The following PRKN variants were observed in gnomAD, a reference collection of about 807,000 sequenced individuals.
PRKN encodes the protein parkin RBR E3 ubiquitin protein ligase, also known as E3 ubiquitin-protein ligase parkin.
In PRKN, 56 loss-of-function variants were observed where a neutral mutation model predicts 59.5. The ratio of observed to expected loss-of-function variants is 0.94; its 90% confidence interval spans 0.76 to 1.18. PRKN has a LOEUF of 1.18. Ranked by LOEUF, PRKN falls within the 50% of genes most tolerant of loss-of-function variation. PRKN has a pLI of 0.00. For synonymous variants in PRKN, 250 were observed against 222.1 expected, an observed-to-expected ratio of 1.13 and a Z score of -1.12; for missense variants, 657 against 596.4, an observed-to-expected ratio of 1.10 and a Z score of -1.06.
intron 7 of PRKN, among the ~76,000 whole-genome samples, chr6:161,738,964 G>A (rs1788077465): frequency 6.6e-6 from 1 of 152,214 alleles, no homozygotes; most frequent in Admixed American, 6.5e-5. Context: ...CAGGTATACA[G>A]TTTTTGTGAG....
chr6:161,814,427 T>C (rs947962353), intron 6 of PRKN, among the ~76,000 whole-genome samples: 7 of 152,294 alleles, frequency 4.6e-5, no homozygotes, highest in East Asian at 1.9e-4. Context: ...GCCTCACAAT[T>C]ATAGCAGAAG....
chr6:162,168,164 T>C (rs868004061), intron 4 of PRKN, among the ~76,000 whole-genome samples: 1 of 152,162 alleles, frequency 6.6e-6, no homozygotes, highest in Non-Finnish European at 1.5e-5. Flanking sequence ...GGAACTGATA[T>C]AAAAAAGTTG....
At chr6:162,692,242 G>A (rs116513202) in intron 1 of PRKN, among the ~76,000 whole-genome samples, 1 of 151,468 alleles carries the variant, frequency 6.6e-6, no homozygotes, top group Non-Finnish European at 1.5e-5. Flanking sequence ...TGTGTATCAA[G>A]AGACTTGTGC....
chr6:162,225,179 C>A (rs796930546), intron 3 of PRKN, among the ~76,000 whole-genome samples: 2 of 152,034 alleles, frequency 1.3e-5, no homozygotes, highest in South Asian at 4.2e-4. Flanking sequence ...AAAGAGTGAC[C>A]GAACTTTATA....
intron 6 of PRKN, among the ~76,000 whole-genome samples, chr6:161,868,949 T>C (rs2128226228): frequency 6.6e-6 from 1 of 152,290 alleles, no homozygotes; most frequent in South Asian, 2.1e-4. Flanking sequence ...ACTTTAAAAA[T>C]TGTTATGGTC....
chr6:161,418,540 G>C (rs1259634056), intron 9 of PRKN, among the ~76,000 whole-genome samples: 1 of 152,176 alleles, frequency 6.6e-6, no homozygotes, highest in African/African-American at 2.4e-5. Context: ...GAGAACAGGA[G>C]CTTCTTTTAG....
At chr6:161,623,088 T>C (rs1326702816) in intron 7 of PRKN, among the ~76,000 whole-genome samples, 1 of 152,176 alleles carries the variant, frequency 6.6e-6, no homozygotes, top group East Asian at 1.9e-4. Flanking sequence ...AAAAAGATAA[T>C]AGAAAAATGT....
In PRKN at chr6:162,011,591, T is replaced by A. The variant is rs977051332; in HGVS notation, c.619-38174A>T. On this transcript the variant is annotated intron_variant, in intron 5 of 11. Coordinates refer to ENST00000366898, the MANE Select transcript of PRKN (RefSeq NM_004562.3). The stretch of plus-strand genomic sequence containing the variant: ...ATTTTTATTTTCTATTTTACTTTGT[T>A]TTGCAGTGCTATGAATAATTGACAG... 5.1e-5 allele frequency among the ~76,000 whole-genome samples: 7 copies of A among 138,038 alleles called. No individual in the cohort carries two copies. The South Asian group carries it at 1.5e-3, about 30-fold the overall frequency. The allele number at this position is 138,038 out of a possible 152,430, so 90.6% of individuals were successfully genotyped here. A position where few individuals can be genotyped will look rare whatever the true frequency, so the allele number is the denominator to read the frequency against.
rs150922012 is a variant in PRKN, at chr6:162,609,700, A to G, written c.7+117962T>C. 6.4e-4 allele frequency among the ~76,000 whole-genome samples: 97 copies of G among 152,314 alleles called. 1 individual carries two copies. The East Asian group carries it at 0.018, about 28-fold the overall frequency. On this transcript the variant is annotated intron_variant, in intron 1 of 11. Transcript: ENST00000366898. ...ACATTATTCTTTATGAAAATTGACT[A>G]CTATATTTAAAACACATAAAATACA...
chr6:161,658,502 T>A (rs1246874472), intron 7 of PRKN, among the ~76,000 whole-genome samples: 1 of 152,176 alleles, frequency 6.6e-6, no homozygotes, highest in Admixed American at 6.5e-5. Context: ...CGGGAGAGTG[T>A]ACTTTAGAGG....
intron 7 of PRKN, among the ~76,000 whole-genome samples, chr6:161,603,372 G>A (rs1409289581): frequency 2.0e-5 from 3 of 152,128 alleles, no homozygotes; most frequent in Non-Finnish European, 4.4e-5. Flanking sequence ...CATGGGAATC[G>A]TCCAAATAAG....
At chr6:161,776,636 G>C (rs1316970798) in intron 7 of PRKN, among the ~76,000 whole-genome samples, 2 of 152,162 alleles carry the variant, frequency 1.3e-5, no homozygotes, top group Non-Finnish European at 2.9e-5. Context: ...TAACCTAAAA[G>C]GTTACCATTT....
intron 6 of PRKN, among the ~76,000 whole-genome samples, chr6:161,893,987 A>G (rs1359759537): frequency 6.6e-6 from 1 of 152,214 alleles, no homozygotes; most frequent in Non-Finnish European, 1.5e-5. Context: ...CATATGAAGT[A>G]AAAAGCCACA....
chr6:162,080,789 A>G (rs1779026002), intron 4 of PRKN, among the ~76,000 whole-genome samples: 1 of 152,068 alleles, frequency 6.6e-6, no homozygotes, highest in African/African-American at 2.4e-5. Context: ...TCTTCATTTC[A>G]TAAAAGATTT....
intron 4 of PRKN, among the ~76,000 whole-genome samples, chr6:162,072,589 A>G (rs1043794875): frequency 5.2e-4 from 79 of 152,180 alleles, no homozygotes; most frequent in African/African-American, 1.9e-3. Context: ...CATCCATACC[A>G]CTAGTCTTGA....
intron 7 of PRKN, among the ~76,000 whole-genome samples, chr6:161,655,223 C>T (rs1198036947): frequency 6.9e-6 from 1 of 144,626 alleles, no homozygotes; most frequent in Non-Finnish European, 1.5e-5. Flanking sequence ...CAGCAAGGTG[C>T]CCAGTTACAG....
intron 1 of PRKN, among the ~76,000 whole-genome samples, chr6:162,705,105 T>C (rs1273164433): frequency 2.0e-5 from 3 of 152,206 alleles, no homozygotes; most frequent in Non-Finnish European, 4.4e-5. Flanking sequence ...TAGTAATAAC[T>C]ACTAAAAACT....
chr6:161,823,108 T>A (rs1792102430), intron 6 of PRKN, among the ~76,000 whole-genome samples: 1 of 150,542 alleles, frequency 6.6e-6, no homozygotes, highest in Admixed American at 6.6e-5. Flanking sequence ...CTAATTTTTT[T>A]TTTTTTTTTT....
At chr6:162,015,654 C>T (rs1056555298) in intron 5 of PRKN, among the ~76,000 whole-genome samples, 1 of 152,108 alleles carries the variant, frequency 6.6e-6, no homozygotes, top group African/African-American at 2.4e-5. Flanking sequence ...GAAATTGAAG[C>T]AAATTACAAT....
Sources: gnomAD v4.1 joint callset for allele counts (sites outside exome capture counted in the v4.1 genomes callset) on GRCh38, gnomAD v4.1.1 for gene constraint, MANE v1.5 for transcripts, NCBI Gene and HGNC (gene_info 2026-07-23, HGNC 2026-07-21) for gene names.